Variants in CTNNA3 observed in about 807,000 individuals in gnomAD.
The protein encoded by CTNNA3 is catenin alpha-3.
In CTNNA3, 76 loss-of-function variants were observed where a neutral mutation model predicts 95.7. The ratio of observed to expected loss-of-function variants is 0.79; its 90% confidence interval spans 0.66 to 0.96. CTNNA3 has a LOEUF of 0.96. Ranked by LOEUF, CTNNA3 falls within the 40% of genes least tolerant of loss-of-function variation. The probability of loss-of-function intolerance (pLI) is 0.00; values close to 1 mark genes in which losing one functional copy is unlikely to be tolerated. For missense variants in CTNNA3, 1,191 were observed against 1,089.8 expected (o/e 1.09, Z -1.31); for synonymous variants, 431 against 374.4 (o/e 1.15, Z -1.74).
chr10:66,239,669 C>T (rs1012701789), intron 13 of CTNNA3, among the ~76,000 whole-genome samples: 13 of 151,950 alleles, frequency 8.6e-5, no homozygotes, highest in African/African-American at 1.2e-4. Context: ...TTACATGGAA[C>T]ATTTTAAGCA....
intron 7 of CTNNA3, among the ~76,000 whole-genome samples, chr10:67,074,034 C>CTTTTTTTTTT (rs35411851): frequency 1.8e-5 from 2 of 109,436 alleles, no homozygotes; most frequent in Non-Finnish European, 3.5e-5. Context: ...CATTTTAACT[C>CTTTTTTTTTT]TTTTTTTTTT....
chr10:66,466,339 TACACACACACAC>T (rs143601111), intron 11 of CTNNA3, among the ~76,000 whole-genome samples: 14 of 141,846 alleles, frequency 9.9e-5, no homozygotes, highest in South Asian at 4.8e-4. Context: ...CACCCACCTA[TACACACACACAC>T]ACACACACAC....
intron 13 of CTNNA3, among the ~76,000 whole-genome samples, chr10:66,114,689 G>A (rs2082255679): frequency 6.6e-6 from 1 of 151,606 alleles, no homozygotes; most frequent in African/African-American, 2.4e-5. Context: ...GACCATCCTG[G>A]CCACCATGGT....
intron 5 of CTNNA3, among the ~76,000 whole-genome samples, chr10:67,236,516 TG>T (rs1283943786): frequency 0.086 from 1,931 of 22,498 alleles, 29 homozygotes; most frequent in African/African-American, 0.21. Context: ...TGTTGTGGGG[TG>T]GGGGGGGTGG....
intron 9 of CTNNA3, among the ~76,000 whole-genome samples, chr10:66,645,374 G>T (rs1480275845): frequency 6.6e-6 from 1 of 152,000 alleles, no homozygotes; most frequent in Non-Finnish European, 1.5e-5. Context: ...TCCATTTTGA[G>T]TTTATTTTTG....
At chr10:67,715,811 C>G (rs1192430275) in intron 1 of CTNNA3, among the ~76,000 whole-genome samples, 1 of 152,120 alleles carries the variant, frequency 6.6e-6, no homozygotes, top group Non-Finnish European at 1.5e-5. Flanking sequence ...ACCAATCTGC[C>G]TGGAACTGGC....
intron 17 of CTNNA3, among the ~76,000 whole-genome samples, chr10:65,948,125 T>C (rs1477624893): frequency 6.6e-6 from 1 of 151,668 alleles, no homozygotes; most frequent in Non-Finnish European, 1.5e-5. Flanking sequence ...AAAATATTTT[T>C]AAAAAATTAG....
intron 5 of CTNNA3, among the ~76,000 whole-genome samples, chr10:67,436,748 A>C (rs1280429734): frequency 6.6e-6 from 1 of 152,226 alleles, no homozygotes; most frequent in East Asian, 1.9e-4. Flanking sequence ...ATTATCAGGG[A>C]AATGCAAATC....
intron 13 of CTNNA3, among the ~76,000 whole-genome samples, chr10:66,170,812 A>G (rs992280273): frequency 6.6e-6 from 1 of 152,144 alleles, no homozygotes; most frequent in Non-Finnish European, 1.5e-5. Flanking sequence ...AGCAGATGAA[A>G]CAGCAAGTGT....
intron 12 of CTNNA3, among the ~76,000 whole-genome samples, chr10:66,309,833 G>C (rs2091987268): frequency 6.6e-6 from 1 of 151,062 alleles, no homozygotes; most frequent in Non-Finnish European, 1.5e-5. Flanking sequence ...GCCAAGGTGG[G>C]CGGATCAGGA....
intron 10 of CTNNA3, among the ~76,000 whole-genome samples, chr10:66,613,172 T>C (rs2132290976): frequency 1.3e-5 from 2 of 152,240 alleles, no homozygotes; most frequent in South Asian, 4.1e-4. Context: ...TTCTAGGCTA[T>C]GTACTTTAAA....
At chr10:67,201,171 A>C (rs1863625589) in intron 6 of CTNNA3, among the ~76,000 whole-genome samples, 1 of 152,238 alleles carries the variant, frequency 6.6e-6, no homozygotes, top group Non-Finnish European at 1.5e-5. Flanking sequence ...GGCATTGAAG[A>C]AGCAAGCCAC....
At chr10:66,435,407 T>A (rs1172294552) in intron 11 of CTNNA3, among the ~76,000 whole-genome samples, 3 of 152,146 alleles carry the variant, frequency 2.0e-5, no homozygotes, top group Non-Finnish European at 2.9e-5. Context: ...TTTATCCATT[T>A]CTTCCAGATT....
chr10:66,367,033 T>G (rs748917373), intron 12 of CTNNA3, among the ~76,000 whole-genome samples: 6 of 152,134 alleles, frequency 3.9e-5, no homozygotes, highest in Non-Finnish European at 8.8e-5. Flanking sequence ...GAAGAAAGAA[T>G]GTGCAGCCCA....
At chr10:67,470,275 G>T (rs1163980590) in intron 5 of CTNNA3, among the ~76,000 whole-genome samples, 1 of 152,128 alleles carries the variant, frequency 6.6e-6, no homozygotes, top group African/African-American at 2.4e-5. Flanking sequence ...CAAATGACAG[G>T]ATCTCATTCT....
chr10:67,502,396 G>A (rs77551042), intron 5 of CTNNA3, among the ~76,000 whole-genome samples: 3,928 of 152,244 alleles, frequency 0.026, 134 homozygotes, highest in African/African-American at 0.078. Flanking sequence ...TCTGTATGAG[G>A]TGTCTGTCAA....
intron 7 of CTNNA3, among the ~76,000 whole-genome samples, chr10:66,986,127 G>A (rs899380519): frequency 1.3e-5 from 2 of 152,100 alleles, no homozygotes; most frequent in Non-Finnish European, 2.9e-5. Context: ...AGATTTGCCT[G>A]TCTGGTTAAT....
intron 7 of CTNNA3, among the ~76,000 whole-genome samples, chr10:66,947,834 G>A (rs79433532): frequency 0.019 from 2,841 of 152,186 alleles, 81 homozygotes; most frequent in African/African-American, 0.065. Flanking sequence ...GTCATGTGGC[G>A]CTTAGCGACA....
At chr10:67,385,545 C>T (rs1844121149) in intron 5 of CTNNA3, among the ~76,000 whole-genome samples, 1 of 152,158 alleles carries the variant, frequency 6.6e-6, no homozygotes, top group African/African-American at 2.4e-5. Context: ...ATAAAGTTTG[C>T]ACCACTGTTA....
Sources: gnomAD v4.1 joint callset for allele counts (sites outside exome capture counted in the v4.1 genomes callset) on GRCh38, gnomAD v4.1.1 for gene constraint, MANE v1.5 for transcripts, NCBI Gene and HGNC (gene_info 2026-07-23, HGNC 2026-07-21) for gene names.